Variants in KANSL1 observed in about 807,000 individuals in gnomAD.
KANSL1 encodes the protein KAT8 regulatory NSL complex subunit 1, also known as MLL1/MLL complex subunit KANSL1.
KANSL1 carries 22 observed loss-of-function variants against 103.6 expected under a neutral mutation model. That is an observed-to-expected ratio of 0.21 (90% CI 0.15 to 0.30). The LOEUF (loss-of-function observed/expected upper bound fraction) is 0.30, where lower values mean the gene tolerates loss of function less well. Ranked by LOEUF, KANSL1 falls within the 10% of genes least tolerant of loss-of-function variation. The pLI is 1.00. For synonymous variants in KANSL1, 600 were observed against 527.6 expected, an observed-to-expected ratio of 1.14 and a Z score of -1.88; for missense variants, 1,337 against 1,399.8, an observed-to-expected ratio of 0.96 and a Z score of 0.72.
rs377266545 is a variant in KANSL1 at position 46,072,636 on chromosome 17, C to T, written c.1534-4969G>A. On this transcript the variant is annotated intron_variant, in intron 4 of 14. Transcript: ENST00000432791. ...ACTAGCCATTTCCATTAGCTAGCAC[C>T]ATGGCCATAAAATTGTACTAAACAA... 2.0e-5 allele frequency among the ~76,000 whole-genome samples: 3 copies of T among 152,080 alleles called. No individual in the cohort carries two copies. The East Asian group carries it at 5.8e-4, about 29-fold the overall frequency.
At chr17:46,077,441 T>G (rs1246042493) in intron 4 of KANSL1, among the ~76,000 whole-genome samples, 2 of 152,170 alleles carry the variant, frequency 1.3e-5, no homozygotes, top group Non-Finnish European at 1.5e-5. Context: ...GGCGTTAGGT[T>G]TTTTTCCTAA....
At chr17:46,189,031 C>CAAAAAAAAAAAAAAAAAAAAAAA (rs57566816) in intron 1 of KANSL1, among the ~76,000 whole-genome samples, 3 of 62,380 alleles carry the variant, frequency 4.8e-5, no homozygotes, top group Non-Finnish European at 2.6e-5. Flanking sequence ...AAGATTGTCT[C>CAAAAAAAAAAAAAAAAAAAAAAA]AAAAAAAAAA....
At chr17:46,113,042 C>T (rs935510251) in intron 2 of KANSL1, among the ~76,000 whole-genome samples, 1 of 151,992 alleles carries the variant, frequency 6.6e-6, no homozygotes, top group Non-Finnish European at 1.5e-5. Flanking sequence ...TTTTAGACAT[C>T]AATTTAAGTG....
intron 1 of KANSL1, among the ~76,000 whole-genome samples, chr17:46,191,182 AAAGG>A (rs1284829094): frequency 1.2e-4 from 18 of 152,372 alleles, no homozygotes; most frequent in African/African-American, 4.1e-4. Flanking sequence ...AGAAACAGAT[AAAGG>A]AATAACATAC....
intron 2 of KANSL1, among the ~76,000 whole-genome samples, chr17:46,107,639 T>C (rs2042626620): frequency 6.6e-6 from 1 of 152,244 alleles, no homozygotes; most frequent in Admixed American, 6.5e-5. Context: ...TCCAACTATG[T>C]TTCTGACTCC....
chr17:46,047,704 T>C (rs1002734817), intron 7 of KANSL1, among the ~76,000 whole-genome samples: 37 of 151,552 alleles, frequency 2.4e-4, no homozygotes, highest in African/African-American at 8.7e-4. Context: ...GGAGGACTGT[T>C]TAGAGCCCAG....
At chr17:46,196,135 C>T, upstream of KANSL1, 1 of 357,098 alleles carries the variant, frequency 2.8e-6, no homozygotes, top group Non-Finnish European at 5.4e-6. Context: ...CCCAGCTACT[C>T]CAGAAGCTGA....
chr17:46,155,444 C>T (rs1265572461), intron 2 of KANSL1, among the ~76,000 whole-genome samples: 1 of 152,142 alleles, frequency 6.6e-6, no homozygotes, highest in Non-Finnish European at 1.5e-5. Flanking sequence ...AGGTGTGAAC[C>T]GCTGCTCCCA....
chr17:46,188,573 ATTT>A (rs2047142687), intron 1 of KANSL1, among the ~76,000 whole-genome samples: 1 of 152,246 alleles, frequency 6.6e-6, no homozygotes, highest in Non-Finnish European at 1.5e-5. Context: ...GTCTGGGGCC[ATTT>A]TACTTAAGAA....
chr17:46,068,123 A>C (rs1370553705), intron 4 of KANSL1, among the ~76,000 whole-genome samples: 1 of 151,344 alleles, frequency 6.6e-6, no homozygotes, highest in East Asian at 1.9e-4. Flanking sequence ...ATTACACAGT[A>C]ACATAAGCTT....
chr17:46,203,540 A>G (rs182779267), intron 1 of KANSL1, among the ~76,000 whole-genome samples: 135 of 152,362 alleles, frequency 8.9e-4, no homozygotes, highest in Middle Eastern at 6.8e-3. Flanking sequence ...ATACTCGGTC[A>G]CTTTATAAGC....
intron 2 of KANSL1, among the ~76,000 whole-genome samples, chr17:46,115,854 T>C (rs1365585078): frequency 6.6e-6 from 1 of 152,222 alleles, no homozygotes; most frequent in African/African-American, 2.4e-5. Context: ...ATGCTTAAGC[T>C]GCATACAGAC....
Position 46,050,521 on chromosome 17 carries a change from G to A in KANSL1, c.2020+12C>T. Reference sequence around the variant, plus strand: ...TCTTTCATTAGACTTTCTAGTCTGTGGTCTTTCTTACCATCTGGAAATGCT... The same window carrying A: ...TCTTTCATTAGACTTTCTAGTCTGTAGTCTTTCTTACCATCTGGAAATGCT... On this transcript the variant is annotated intron_variant, in intron 7 of 14. Transcript: ENST00000432791. 1 of 1,612,742 alleles carries A rather than the reference G, an allele frequency of 6.2e-7. No homozygotes were observed. Among genetic ancestry groups the A allele is most frequent in the South Asian group, 1.1e-5 (1 of 90,998 alleles).
At chr17:46,107,378 C>A (rs931304184) in intron 2 of KANSL1, among the ~76,000 whole-genome samples, 6 of 152,330 alleles carry the variant, frequency 3.9e-5, no homozygotes, top group African/African-American at 1.4e-4. Context: ...TCAAGGTCAC[C>A]AATGACCTCC....
At chr17:46,046,734 G>A (rs1168814961) in intron 7 of KANSL1, among the ~76,000 whole-genome samples, 3 of 151,378 alleles carry the variant, frequency 2.0e-5, no homozygotes, top group Non-Finnish European at 4.4e-5. Flanking sequence ...CTACTCAGGA[G>A]GCTGAGGCAG....
At chr17:46,205,866 G>A (rs571230932) in intron 1 of KANSL1, among the ~76,000 whole-genome samples, 40 of 152,022 alleles carry the variant, frequency 2.6e-4, no homozygotes, top group African/African-American at 3.6e-4. Context: ...CTGCTTGAGC[G>A]CAGAAGTTCA....
At chr17:46,149,652 C>G (rs181500488) in intron 2 of KANSL1, among the ~76,000 whole-genome samples, 1 of 152,346 alleles carries the variant, frequency 6.6e-6, no homozygotes, top group African/African-American at 2.4e-5. Context: ...TTGTGCTAAT[C>G]CAACCAACTA....
intron 1 of KANSL1, among the ~76,000 whole-genome samples, chr17:46,209,739 C>T (rs2048096734): frequency 6.6e-6 from 1 of 152,202 alleles, no homozygotes; most frequent in Non-Finnish European, 1.5e-5. Flanking sequence ...AGTGATTCAC[C>T]CAACTCGGCC....
At chr17:46,175,310 CTG>C (rs71138529) in intron 1 of KANSL1, among the ~76,000 whole-genome samples, 28,934 of 136,338 alleles carry the variant, frequency 0.21, 2,167 homozygotes, top group Non-Finnish European at 0.25. Context: ...TGTCTTATTG[CTG>C]TGTGTGTGTG....
Sources: allele counts gnomAD v4.1 joint callset (sites outside exome capture counted in the v4.1 genomes callset), GRCh38; gene constraint gnomAD v4.1.1; transcripts MANE v1.5; gene names NCBI Gene and HGNC (gene_info 2026-07-23, HGNC 2026-07-21).